CNTNAP5: variants seen among roughly 807,000 people sequenced by gnomAD.
CNTNAP5 encodes contactin-associated protein-like 5.
A neutral mutation model predicts 150.2 loss-of-function variants in CNTNAP5; 72 were observed. The ratio of observed to expected loss-of-function variants is 0.48; its 90% confidence interval spans 0.40 to 0.58. The LOEUF is 0.58. Among genes scored for constraint, CNTNAP5 ranks in the 20% least tolerant of loss-of-function variants. CNTNAP5 has a pLI of 0.00. For synonymous variants in CNTNAP5, 672 were observed against 619.8 expected (o/e 1.08, Z -1.25); for missense variants, 1,636 against 1,626.2 (o/e 1.01, Z -0.10).
chr2:124,837,571 GA>G (rs1242022375), intron 19 of CNTNAP5, among the ~76,000 whole-genome samples: 2 of 152,114 alleles, frequency 1.3e-5, no homozygotes, highest in Middle Eastern at 3.2e-3. Flanking sequence ...TTTATCCAGG[GA>G]AAGGGGTGGG....
intron 10 of CNTNAP5, among the ~76,000 whole-genome samples, chr2:124,530,481 A>G (rs1469811380): frequency 6.6e-6 from 1 of 152,168 alleles, no homozygotes; most frequent in Non-Finnish European, 1.5e-5. Context: ...ACTATTTACA[A>G]ACCACCTTTG....
intron 2 of CNTNAP5, among the ~76,000 whole-genome samples, chr2:124,239,298 C>T (rs956219150): frequency 6.6e-6 from 1 of 151,988 alleles, no homozygotes; most frequent in African/African-American, 2.4e-5. Context: ...TTCCATTCTT[C>T]ATGTAAGTTC....
At chr2:124,333,985 C>CCT (rs1220629882) in intron 3 of CNTNAP5, among the ~76,000 whole-genome samples, 69 of 152,246 alleles carry the variant, frequency 4.5e-4, no homozygotes, top group African/African-American at 1.6e-3. Context: ...CGAGTGTCCT[C>CCT]TTACAGTACA....
At chr2:124,661,552 C>T (rs893699070) in intron 13 of CNTNAP5, among the ~76,000 whole-genome samples, 1 of 127,426 alleles carries the variant, frequency 7.8e-6, no homozygotes, top group African/African-American at 2.9e-5. Context: ...AAGGGCCTGC[C>T]TGAGGCTGTT....
At chr2:124,532,622 A>G (rs973262795) in intron 10 of CNTNAP5, among the ~76,000 whole-genome samples, 6 of 152,192 alleles carry the variant, frequency 3.9e-5, no homozygotes, top group Admixed American at 1.3e-4. Flanking sequence ...ATACCTGGGA[A>G]AAATCCAGAA....
At chr2:124,818,913 C>T (rs1031324375) in intron 19 of CNTNAP5, among the ~76,000 whole-genome samples, 7 of 152,114 alleles carry the variant, frequency 4.6e-5, no homozygotes, top group Non-Finnish European at 1.0e-4. Flanking sequence ...AGGATGTGCC[C>T]AGCAGGCCAC....
intron 3 of CNTNAP5, among the ~76,000 whole-genome samples, chr2:124,414,286 T>C (rs1691861586): frequency 6.6e-6 from 1 of 152,142 alleles, no homozygotes; most frequent in Non-Finnish European, 1.5e-5. Context: ...TGATAAGTGA[T>C]TGATTGACTT....
At chr2:124,656,434 A>T (rs1010949761) in intron 13 of CNTNAP5, among the ~76,000 whole-genome samples, 2 of 152,222 alleles carry the variant, frequency 1.3e-5, no homozygotes, top group African/African-American at 2.4e-5. Flanking sequence ...AGAGATCATC[A>T]CATGAATCAA....
intron 1 of CNTNAP5, among the ~76,000 whole-genome samples, chr2:124,186,767 T>C (rs1359476979): frequency 6.6e-6 from 1 of 152,208 alleles, no homozygotes; most frequent in African/African-American, 2.4e-5. Flanking sequence ...TCATGGTCTT[T>C]CAGAACCACC....
chr2:124,914,543 G>A lies in CNTNAP5; in HGVS notation c.*255G>A. On this transcript the variant is annotated 3_prime_UTR_variant, in exon 24 of 24. Coordinates refer to ENST00000682447, the MANE Select transcript of CNTNAP5 (RefSeq NM_001367498.1). ...TCAAGAGACTGACTTCGCCATTCAAGACAAGGAAGAGACACATGTGTGCAC... is the reference window on the plus strand; with the variant it reads ...TCAAGAGACTGACTTCGCCATTCAAAACAAGGAAGAGACACATGTGTGCAC... The A allele has an allele frequency of 2.3e-6, 1 of 441,348 alleles. No homozygotes were observed. The highest frequency in any genetic ancestry group is 2.7e-5 in the South Asian group (1 of 36,794). The allele number at this position is 441,348 out of a possible 1,614,324, so 27.3% of individuals were successfully genotyped here. A position where few individuals can be genotyped will look rare whatever the true frequency, so the allele number is the denominator to read the frequency against.
chr2:124,194,411 A>AT (rs1558795543), intron 1 of CNTNAP5, among the ~76,000 whole-genome samples: 67 of 3,970 alleles, frequency 0.017, no homozygotes, highest in Non-Finnish European at 0.048. Flanking sequence ...ATATATATAT[A>AT]AATATAAATA....
At chr2:124,644,094 A>G (rs545928526) in intron 12 of CNTNAP5, among the ~76,000 whole-genome samples, 65 of 152,352 alleles carry the variant, frequency 4.3e-4, no homozygotes, top group African/African-American at 1.5e-3. Flanking sequence ...TCCAATTTTC[A>G]TTGAAGTCAT....
chr2:124,872,116 T>C (rs1677761677), intron 21 of CNTNAP5, among the ~76,000 whole-genome samples: 1 of 152,112 alleles, frequency 6.6e-6, no homozygotes, highest in Admixed American at 6.6e-5. Flanking sequence ...CTAATCCCAT[T>C]CAATGAATCA....
Position 124,916,957 on chromosome 2 carries a change from T to C in CNTNAP5, c.*2669T>C, listed in dbSNP as rs1339415977. On this transcript the variant is annotated 3_prime_UTR_variant, in exon 24 of 24. Coordinates refer to ENST00000682447, the MANE Select transcript of CNTNAP5 (RefSeq NM_001367498.1). Reference sequence around the variant, plus strand: ...GATCCGTACCCTCCAAAGTAGAATGTAATTTACAATTAGAAATCGTGCTAA... The same window carrying C: ...GATCCGTACCCTCCAAAGTAGAATGCAATTTACAATTAGAAATCGTGCTAA... Among the ~76,000 whole-genome samples the C allele has an allele frequency of 2.0e-5, 3 of 152,086 alleles. No homozygotes were observed. Among genetic ancestry groups the C allele is most frequent in the Non-Finnish European group, 4.4e-5 (3 of 67,992 alleles).
chr2:124,314,621 G>A (rs62170993), intron 3 of CNTNAP5, among the ~76,000 whole-genome samples: 36,606 of 151,762 alleles, frequency 0.24, 4,611 homozygotes, highest in Middle Eastern at 0.29. Flanking sequence ...GTTTGTTTTC[G>A]TTTAGAAATA....
rs555588648 is a variant in CNTNAP5 at position 124,413,895 on chromosome 2, A to T, written c.382-3548A>T. Reference sequence around the variant, plus strand: ...TTAAAGTATAATAAAATAAATAAATAAATAAATTAAAAAAAAAGAACTTCG... The same window carrying T: ...TTAAAGTATAATAAAATAAATAAATTAATAAATTAAAAAAAAAGAACTTCG... On this transcript the variant is annotated intron_variant, in intron 3 of 23. Transcript: ENST00000682447. 2.5e-4 allele frequency among the ~76,000 whole-genome samples: 32 copies of T among 126,768 alleles called. No homozygotes were observed. The South Asian group carries it at 5.0e-3, about 20-fold the overall frequency. 83.2% of individuals were successfully genotyped at this position (126,768 alleles called of 152,430 possible).
chr2:124,621,079 T>C (rs889302456), intron 12 of CNTNAP5, among the ~76,000 whole-genome samples: 1 of 152,168 alleles, frequency 6.6e-6, no homozygotes, highest in African/African-American at 2.4e-5. Context: ...CCTGACAAGA[T>C]TTTCCTTGAA....
chr2:124,077,035 T>C (rs533601413), intron 1 of CNTNAP5, among the ~76,000 whole-genome samples: 3 of 152,278 alleles, frequency 2.0e-5, no homozygotes, highest in Admixed American at 2.0e-4. Context: ...ATTAAAATAT[T>C]GTTACTATTA....
chr2:124,682,903 CA>C (rs1265010246), intron 13 of CNTNAP5, among the ~76,000 whole-genome samples: 4 of 151,952 alleles, frequency 2.6e-5, no homozygotes, highest in Non-Finnish European at 2.9e-5. Context: ...GGAACTTAAC[CA>C]AAAAAATTGT....
Sources: allele counts gnomAD v4.1 joint callset (sites outside exome capture counted in the v4.1 genomes callset), GRCh38; gene constraint gnomAD v4.1.1; transcripts MANE v1.5; gene names NCBI Gene and HGNC (gene_info 2026-07-23, HGNC 2026-07-21).